The following NCOA2 variants were observed in gnomAD, a reference collection of about 807,000 sequenced individuals.
The protein encoded by NCOA2 is nuclear receptor coactivator 2.
NCOA2 carries 21 observed loss-of-function variants against 145.1 expected under a neutral mutation model. That is an observed-to-expected ratio of 0.14 (90% CI 0.10 to 0.21). The LOEUF is 0.21. Among genes scored for constraint, NCOA2 ranks in the 10% least tolerant of loss-of-function variants. The pLI is 1.00. For missense variants in NCOA2, 1,472 were observed against 1,837.6 expected (o/e 0.80, Z 3.64); for synonymous variants, 619 against 637.5 (o/e 0.97, Z 0.44).
At chr8:70,127,738 C>T (rs1490145150) in intron 18 of NCOA2, among the ~76,000 whole-genome samples, 1 of 152,200 alleles carries the variant, frequency 6.6e-6, no homozygotes, top group Non-Finnish European at 1.5e-5. Flanking sequence ...GCCACTGTCA[C>T]AGTCATTCGT....
At chr8:70,191,374 G>T (rs1816653693) in intron 4 of NCOA2, among the ~76,000 whole-genome samples, 1 of 152,158 alleles carries the variant, frequency 6.6e-6, no homozygotes, top group Non-Finnish European at 1.5e-5. Context: ...AATCACTTCA[G>T]TACTGAAATA....
chr8:70,120,005 G>C (rs1027304274), intron 22 of NCOA2, among the ~76,000 whole-genome samples: 1 of 152,022 alleles, frequency 6.6e-6, no homozygotes, highest in African/African-American at 2.4e-5. Context: ...AAGTAGTTGG[G>C]ACTACAGGCA....
intron 1 of NCOA2, among the ~76,000 whole-genome samples, chr8:70,353,923 A>C (rs1275466656): frequency 6.6e-6 from 1 of 152,224 alleles, no homozygotes; most frequent in Non-Finnish European, 1.5e-5. Context: ...AATTTACCCA[A>C]TAAAACTACT....
intron 1 of NCOA2, among the ~76,000 whole-genome samples, chr8:70,330,124 A>ATT (rs199837873): frequency 2.0e-5 from 3 of 151,236 alleles, no homozygotes; most frequent in African/African-American, 7.3e-5. Flanking sequence ...ATCTAAACCT[A>ATT]TTTTTTTTTC....
intron 1 of NCOA2, among the ~76,000 whole-genome samples, chr8:70,319,975 G>GGGTA (rs1805915743): frequency 6.6e-6 from 1 of 152,214 alleles, no homozygotes; most frequent in East Asian, 1.9e-4. Flanking sequence ...ATATGATGAT[G>GGGTA]GGTAGCCTTG....
chr8:70,280,787 A>G (rs879463618), intron 2 of NCOA2, among the ~76,000 whole-genome samples: 1 of 152,070 alleles, frequency 6.6e-6, no homozygotes, highest in African/African-American at 2.4e-5. Context: ...TTTTCCTACT[A>G]GTTAGTTATG....
intron 2 of NCOA2, among the ~76,000 whole-genome samples, chr8:70,279,667 G>A (rs1586350663): frequency 6.6e-6 from 1 of 152,164 alleles, no homozygotes; most frequent in South Asian, 2.1e-4. Context: ...CAGCCCCCTG[G>A]CAAGATTGGC....
intron 2 of NCOA2, among the ~76,000 whole-genome samples, chr8:70,252,084 T>C (rs947628760): frequency 1.8e-4 from 28 of 152,368 alleles, no homozygotes; most frequent in African/African-American, 6.5e-4. Flanking sequence ...TTTTTAAAAT[T>C]TGTACTATTT....
At chr8:70,319,651 A>G (rs1805890706) in intron 1 of NCOA2, among the ~76,000 whole-genome samples, 1 of 152,210 alleles carries the variant, frequency 6.6e-6, no homozygotes, top group African/African-American at 2.4e-5. Context: ...CTTTTACTTC[A>G]GGTGATCTGA....
At chr8:70,291,822 G>C (rs983213643) in intron 2 of NCOA2, among the ~76,000 whole-genome samples, 1 of 152,120 alleles carries the variant, frequency 6.6e-6, no homozygotes, top group Non-Finnish European at 1.5e-5. Flanking sequence ...TTGGCCGGGC[G>C]GGCGCAGTGG....
chr8:70,381,466 G>C (rs970896767), intron 1 of NCOA2, among the ~76,000 whole-genome samples: 40 of 152,048 alleles, frequency 2.6e-4, no homozygotes, highest in African/African-American at 9.7e-4. Context: ...AAATGTATTA[G>C]GACTCTGTGA....
chr8:70,149,253 G>C (rs1452062001), intron 11 of NCOA2, among the ~76,000 whole-genome samples: 1 of 147,048 alleles, frequency 6.8e-6, no homozygotes, highest in Admixed American at 6.8e-5. Flanking sequence ...TTTTTTTTCT[G>C]AGAAAGGGTC....
intron 4 of NCOA2, among the ~76,000 whole-genome samples, chr8:70,201,840 C>T (rs1188873866): frequency 2.0e-5 from 3 of 152,102 alleles, no homozygotes; most frequent in Non-Finnish European, 4.4e-5. Context: ...GCAAAATGTC[C>T]AGAAAGGAGA....
At chr8:70,221,218 T>G (rs1586154932) in intron 2 of NCOA2, among the ~76,000 whole-genome samples, 1 of 152,168 alleles carries the variant, frequency 6.6e-6, no homozygotes, top group East Asian at 1.9e-4. Flanking sequence ...TCAAGCAATA[T>G]TAAAAGTATA....
chr8:70,211,540 T>C (rs1819028915), intron 4 of NCOA2, among the ~76,000 whole-genome samples: 2 of 152,296 alleles, frequency 1.3e-5, no homozygotes, highest in African/African-American at 2.4e-5. Context: ...TGACAGGTGT[T>C]TACTGAATTT....
intron 1 of NCOA2, among the ~76,000 whole-genome samples, chr8:70,326,420 T>TTC (rs201624419): frequency 1.1e-4 from 15 of 140,764 alleles, no homozygotes; most frequent in East Asian, 6.3e-4. Context: ...CTTTCTGCAT[T>TTC]TCTCTCTCTC....
chr8:70,386,725 A>C (rs1327782838), intron 1 of NCOA2, among the ~76,000 whole-genome samples: 3 of 152,198 alleles, frequency 2.0e-5, no homozygotes, highest in Non-Finnish European at 4.4e-5. Context: ...CTTTAAAATC[A>C]TCTAATTCAT....
At chr8:70,127,149 G>C (rs572776663) in intron 18 of NCOA2, 102 bp from the exon 19 acceptor site, 2 of 801,516 alleles carry the variant, frequency 2.5e-6, no homozygotes, top group South Asian at 3.4e-5. Flanking sequence ...ACTATCATCT[G>C]TAAAATTATT....
intron 14 of NCOA2, among the ~76,000 whole-genome samples, 195 bp downstream of exon 14, chr8:70,140,989 T>C (rs908555415): frequency 7.9e-5 from 12 of 152,206 alleles, no homozygotes; most frequent in African/African-American, 2.4e-4. Context: ...TCAAAGGTAG[T>C]TGGGTCTCTT....
Sources: allele counts gnomAD v4.1 joint callset (sites outside exome capture counted in the v4.1 genomes callset), GRCh38; gene constraint gnomAD v4.1.1; transcripts MANE v1.5; gene names NCBI Gene and HGNC (gene_info 2026-07-23, HGNC 2026-07-21).